The following HIKESHI variants were observed in gnomAD, a reference collection of about 807,000 sequenced individuals.
HIKESHI encodes heat shock protein nuclear import factor hikeshi.
In HIKESHI, 13 loss-of-function variants were observed where a neutral mutation model predicts 25.7. The observed-to-expected ratio is 0.51, with a 90% CI of 0.33 to 0.80. The LOEUF is 0.80. Ranked by LOEUF, HIKESHI falls within the 30% of genes least tolerant of loss-of-function variation. The pLI, the probability that HIKESHI is intolerant of heterozygous loss-of-function variation, is 0.02. For missense variants in HIKESHI, 174 were observed against 229.5 expected (o/e 0.76, Z 1.56); for synonymous variants, 76 against 78.7 (o/e 0.97, Z 0.18).
At chr11:86,305,482 G>A (rs1353840988) in intron 1 of HIKESHI, among the ~76,000 whole-genome samples, 2 of 151,950 alleles carry the variant, frequency 1.3e-5, no homozygotes, top group Non-Finnish European at 2.9e-5. Flanking sequence ...TACCTCCTGG[G>A]TTCAAGTGAT....
At chr11:86,319,682 A>G (rs1156780759) in intron 2 of HIKESHI, among the ~76,000 whole-genome samples, 7 of 152,200 alleles carry the variant, frequency 4.6e-5, no homozygotes, top group Admixed American at 4.6e-4. Flanking sequence ...TAAGGTCCTT[A>G]CATGGCAATT....
chr11:86,328,428 T>G (rs1947338661), intron 2 of HIKESHI, among the ~76,000 whole-genome samples: 1 of 146,696 alleles, frequency 6.8e-6, no homozygotes, highest in Non-Finnish European at 1.5e-5. Flanking sequence ...GCAGCTAATG[T>G]TTTTTGTTTT....
At chr11:86,309,092 G>C (rs1045911987) in intron 2 of HIKESHI, among the ~76,000 whole-genome samples, 21 of 152,050 alleles carry the variant, frequency 1.4e-4, no homozygotes, top group African/African-American at 4.8e-4. Flanking sequence ...TCCAGTAATG[G>C]GATGGCTGGG....
At chr11:86,320,604 T>C (rs1947122024) in intron 2 of HIKESHI, among the ~76,000 whole-genome samples, 1 of 152,164 alleles carries the variant, frequency 6.6e-6, no homozygotes, top group African/African-American at 2.4e-5. Context: ...AAATTTATTT[T>C]TTATTAACAG....
chr11:86,303,735 G>C (rs923254879), intron 1 of HIKESHI, among the ~76,000 whole-genome samples: 1 of 152,014 alleles, frequency 6.6e-6, no homozygotes, highest in African/African-American at 2.4e-5. Context: ...AGACCTAGTG[G>C]CATCTCAAAA....
chr11:86,332,227 G>A (rs1947445780), intron 2 of HIKESHI, among the ~76,000 whole-genome samples: 1 of 152,040 alleles, frequency 6.6e-6, no homozygotes, highest in Non-Finnish European at 1.5e-5. Context: ...GCCTCGCAAA[G>A]TGCTGGGATT....
At chr11:86,315,711 G>A (rs551209864) in intron 2 of HIKESHI, among the ~76,000 whole-genome samples, 186 of 152,304 alleles carry the variant, frequency 1.2e-3, no homozygotes, top group Non-Finnish European at 2.1e-3. Flanking sequence ...ACTACTTACC[G>A]GAGGTAGTTG....
intron 3 of HIKESHI, among the ~76,000 whole-genome samples, chr11:86,339,934 T>C (rs1274858161): frequency 6.7e-6 from 1 of 148,990 alleles, no homozygotes; most frequent in African/African-American, 2.5e-5. Context: ...CCGTGTGTGA[T>C]GTTCCCTGCC....
At chr11:86,345,097 T>C in intron 4 of HIKESHI, 2 of 1,079,514 alleles carry the variant, frequency 1.9e-6, no homozygotes, top group Non-Finnish European at 2.2e-6. Context: ...TTTATAGATA[T>C]TTCTTTTCAC....
chr11:86,305,713 C>T (rs1946606728), intron 1 of HIKESHI, among the ~76,000 whole-genome samples: 1 of 151,918 alleles, frequency 6.6e-6, no homozygotes, highest in Non-Finnish European at 1.5e-5. Flanking sequence ...CCTTTCAGGG[C>T]ACCTCTGAAA....
intron 2 of HIKESHI, among the ~76,000 whole-genome samples, chr11:86,331,785 C>T (rs1048218004): frequency 1.3e-5 from 2 of 151,934 alleles, no homozygotes; most frequent in Admixed American, 1.3e-4. Flanking sequence ...AATGTAATTT[C>T]AGGTTTGTCT....
chr11:86,313,931 C>A (rs1367933473), intron 2 of HIKESHI, among the ~76,000 whole-genome samples: 2 of 152,066 alleles, frequency 1.3e-5, no homozygotes, highest in Non-Finnish European at 2.9e-5. Context: ...AGTTCGAAAG[C>A]ATTGTGTCCT....
At chr11:86,338,499 CT>C (rs1402685577) in intron 3 of HIKESHI, among the ~76,000 whole-genome samples, 1 of 152,096 alleles carries the variant, frequency 6.6e-6, no homozygotes, top group Non-Finnish European at 1.5e-5. Context: ...TTTCTTCTTG[CT>C]TAGTGAAATA....
chr11:86,321,790 A>C (rs1947154797), intron 2 of HIKESHI, among the ~76,000 whole-genome samples: 1 of 152,134 alleles, frequency 6.6e-6, no homozygotes. Context: ...TCAGCCTCCC[A>C]AAGTGTTGGG....
At chr11:86,324,313 T>C (rs1947221237) in intron 2 of HIKESHI, 2 of 152,314 alleles carry the variant, frequency 1.3e-5, no homozygotes. Context: ...GTTTGGCCCA[T>C]TGGCTTTTTA....
intron 2 of HIKESHI, among the ~76,000 whole-genome samples, chr11:86,308,842 A>G (rs1946756240): frequency 6.6e-6 from 1 of 152,070 alleles, no homozygotes; most frequent in East Asian, 1.9e-4. Context: ...TCCTTGCGAT[A>G]GTTTGCTCAG....
intron 4 of HIKESHI, 134 bp from the exon 5 acceptor site, chr11:86,345,450 G>A: frequency 1.7e-6 from 1 of 582,666 alleles, no homozygotes. Context: ...TACATTTCCA[G>A]ATTATCTTTT....
rs967853320 is a variant in HIKESHI, at chr11:86,327,314, CT to C, written c.269-10054del. On this transcript the variant is annotated intron_variant, in intron 2 of 4. Transcript: ENST00000278483. ...TGGTGTTAATAAGCCTCTGGTTTTC[CT>C]TTTTTTTTTTCTTTTTTGAGACGGA... Among the ~76,000 whole-genome samples, 74 of 145,706 alleles carry C rather than the reference CT, an allele frequency of 5.1e-4. No individual in the cohort carries two copies. The East Asian group carries it at 6.0e-3, about 12-fold the overall frequency.
intron 2 of HIKESHI, among the ~76,000 whole-genome samples, chr11:86,319,704 C>T (rs1210954068): frequency 6.6e-6 from 1 of 152,050 alleles, no homozygotes; most frequent in Non-Finnish European, 1.5e-5. Flanking sequence ...GTTGATCTCT[C>T]AAGTGTCTTT....
Sources: gnomAD v4.1 joint callset for allele counts (sites outside exome capture counted in the v4.1 genomes callset) on GRCh38, gnomAD v4.1.1 for gene constraint, MANE v1.5 for transcripts, NCBI Gene and HGNC (gene_info 2026-07-23, HGNC 2026-07-21) for gene names.